Variants in ZCCHC7 observed in about 807,000 individuals in gnomAD.
ZCCHC7 encodes the protein zinc finger CCHC domain-containing protein 7.
In ZCCHC7, 35 loss-of-function variants were observed where a neutral mutation model predicts 52.0. The ratio of observed to expected loss-of-function variants is 0.67; its 90% confidence interval spans 0.51 to 0.89. The LOEUF (loss-of-function observed/expected upper bound fraction) is 0.89. Ranked by LOEUF, ZCCHC7 falls within the 40% of genes least tolerant of loss-of-function variation. ZCCHC7 has a pLI of 0.00. For missense variants in ZCCHC7, 574 were observed against 649.1 expected, an observed-to-expected ratio of 0.88 and a Z score of 1.26; for synonymous variants, 217 against 221.5, an observed-to-expected ratio of 0.98 and a Z score of 0.18.
intron 2 of ZCCHC7, among the ~76,000 whole-genome samples, chr9:37,282,218 A>G (rs894353612): frequency 6.6e-6 from 1 of 152,224 alleles, no homozygotes; most frequent in Admixed American, 6.5e-5. Flanking sequence ...CTGCAAAACA[A>G]TTTGAATGTA....
chr9:37,348,396 T>TCTTTCTTTCTTTCTTTTTTTTG, intron 6 of ZCCHC7, among the ~76,000 whole-genome samples: 1 of 151,392 alleles, frequency 6.6e-6, no homozygotes, highest in East Asian at 1.9e-4. Context: ...CTTTCTTTTT[T>TCTTTCTTTCTTTCTTTTTTTTG]GACATGGAGT....
At chr9:37,305,213 TCTG>T (rs1447358212) in intron 4 of ZCCHC7, among the ~76,000 whole-genome samples, 1 of 152,220 alleles carries the variant, frequency 6.6e-6, no homozygotes, top group African/African-American at 2.4e-5. Context: ...AACAGCTTCT[TCTG>T]TATCTGTTCC....
chr9:37,140,528 A>G (rs1564137515), intron 2 of ZCCHC7, among the ~76,000 whole-genome samples: 1 of 152,006 alleles, frequency 6.6e-6, no homozygotes, highest in Non-Finnish European at 1.5e-5. Context: ...TGAGTGGTAG[A>G]GATCCATCAG....
rs147310739 is a variant in ZCCHC7 at position 37,230,977 on chromosome 9, C to A, written c.611-71211C>A. ...TTTGAGACAGCCTCACTAGGACACC[C>A]GGGCTGGATTGCAGTGGTGTGATCT... On this transcript the variant is annotated intron_variant, in intron 2 of 8. Transcript: ENST00000336755. 5.1e-4 allele frequency among the ~76,000 whole-genome samples: 77 copies of A among 152,214 alleles called. 1 individual carries two copies. Among genetic ancestry groups the A allele is most frequent in the Admixed American group, 2.7e-3 (42 of 15,292 alleles).
intron 7 of ZCCHC7, among the ~76,000 whole-genome samples, chr9:37,350,652 G>A (rs1204082571): frequency 2.0e-5 from 3 of 152,232 alleles, no homozygotes; most frequent in Non-Finnish European, 4.4e-5. Flanking sequence ...AGATGCTGAG[G>A]TGTCAAAGCA....
At chr9:37,163,217 CAAACAAAAAA>C (rs1350999859) in intron 2 of ZCCHC7, among the ~76,000 whole-genome samples, 1 of 150,754 alleles carries the variant, frequency 6.6e-6, no homozygotes, top group East Asian at 1.9e-4. Flanking sequence ...AACAAACAAA[CAAACAAAAAA>C]AAACAAAAAG....
At chr9:37,290,738 C>G (rs1466167723) in intron 2 of ZCCHC7, among the ~76,000 whole-genome samples, 10 of 152,136 alleles carry the variant, frequency 6.6e-5, no homozygotes. Flanking sequence ...TTTTACTTTT[C>G]TTCACAATAA....
intron 2 of ZCCHC7, among the ~76,000 whole-genome samples, chr9:37,225,388 C>G (rs1196243454): frequency 6.6e-6 from 1 of 152,118 alleles, no homozygotes; most frequent in Non-Finnish European, 1.5e-5. Context: ...AGGAATAATA[C>G]CAATTCTTTA....
intron 2 of ZCCHC7, among the ~76,000 whole-genome samples, chr9:37,182,736 T>A (rs192774462): frequency 6.6e-6 from 1 of 152,326 alleles, no homozygotes; most frequent in East Asian, 1.9e-4. Context: ...GAAATTGTGT[T>A]GTTATTTTTT....
At position 37,144,690 on chromosome 9, in the gene ZCCHC7, A is replaced by G. The variant is rs1340511161; in HGVS notation, c.610+17748A>G. On this transcript the variant is annotated intron_variant, in intron 2 of 8. Transcript: ENST00000336755. ...CTTTCCAGTTATATATGATCCATCT[A>G]TGACATTCTATCATCCAGGTGTTAC... Among the ~76,000 whole-genome samples, 8 of 151,974 alleles carry G rather than the reference A, an allele frequency of 5.3e-5. No individual in the cohort carries two copies. The South Asian group carries it at 1.2e-3, about 24-fold the overall frequency.
intron 2 of ZCCHC7, among the ~76,000 whole-genome samples, chr9:37,199,308 CT>C (rs1823462557): frequency 6.8e-6 from 1 of 147,632 alleles, no homozygotes; most frequent in Admixed American, 6.7e-5. Context: ...GTTTCTTTTT[CT>C]TTTTTCTTTT....
At chr9:37,344,936 G>T (rs895375564) in intron 6 of ZCCHC7, among the ~76,000 whole-genome samples, 1 of 152,262 alleles carries the variant, frequency 6.6e-6, no homozygotes, top group Admixed American at 6.5e-5. Context: ...CCTGATGGAG[G>T]CATCCTTCGA....
At chr9:37,164,900 C>A (rs1821335135) in intron 2 of ZCCHC7, among the ~76,000 whole-genome samples, 1 of 152,200 alleles carries the variant, frequency 6.6e-6, no homozygotes, top group African/African-American at 2.4e-5. Flanking sequence ...TAGTCCGTTT[C>A]TTCCAGAAAG....
intron 2 of ZCCHC7, among the ~76,000 whole-genome samples, chr9:37,208,927 A>G (rs1015266865): frequency 5.3e-5 from 8 of 152,202 alleles, no homozygotes; most frequent in African/African-American, 1.9e-4. Context: ...TCCTAATACT[A>G]TCACCTATCA....
chr9:37,345,859 T>C (rs1215750697), intron 6 of ZCCHC7, among the ~76,000 whole-genome samples: 1 of 152,260 alleles, frequency 6.6e-6, no homozygotes, highest in Non-Finnish European at 1.5e-5. Context: ...AATTCCATTT[T>C]GTGTAGCTTT....
intron 2 of ZCCHC7, among the ~76,000 whole-genome samples, chr9:37,164,498 T>TAGATAGATAGATAGAC (rs755789110): frequency 1.5e-4 from 20 of 135,002 alleles, no homozygotes; most frequent in East Asian, 8.5e-4. Flanking sequence ...GATAGATAGA[T>TAGATAGATAGATAGAC]AGACAGACAA....
chr9:37,177,149 G>A (rs537970344), intron 2 of ZCCHC7, among the ~76,000 whole-genome samples: 49 of 152,240 alleles, frequency 3.2e-4, no homozygotes, highest in African/African-American at 1.1e-3. Context: ...AGACGAGCCT[G>A]GCCAACGCAG....
intron 2 of ZCCHC7, among the ~76,000 whole-genome samples, chr9:37,235,851 G>A (rs1444032420): frequency 1.3e-5 from 2 of 151,624 alleles, no homozygotes; most frequent in South Asian, 2.1e-4. Context: ...GCCTCCCAAA[G>A]TGCTGGGATT....
intron 2 of ZCCHC7, among the ~76,000 whole-genome samples, chr9:37,286,703 C>A (rs950960898): frequency 6.6e-6 from 1 of 151,864 alleles, no homozygotes; most frequent in Non-Finnish European, 1.5e-5. Context: ...TAACTTAGTA[C>A]CTGGCACAGA....
Sources: gnomAD v4.1 joint callset for allele counts (sites outside exome capture counted in the v4.1 genomes callset) on GRCh38, gnomAD v4.1.1 for gene constraint, MANE v1.5 for transcripts, NCBI Gene and HGNC (gene_info 2026-07-23, HGNC 2026-07-21) for gene names.